Variants in ROBO1 observed in about 807,000 individuals in gnomAD.
ROBO1 encodes roundabout guidance receptor 1, also known as roundabout homolog 1.
In ROBO1, 149 loss-of-function variants were observed where a neutral mutation model predicts 195.9. The observed-to-expected ratio is 0.76, with a 90% CI of 0.67 to 0.87. The LOEUF (loss-of-function observed/expected upper bound fraction) is 0.87, where lower values mean the gene tolerates loss of function less well. Ranked by LOEUF, ROBO1 falls within the 40% of genes least tolerant of loss-of-function variation. ROBO1 has a pLI of 0.00. For missense variants in ROBO1, 1,933 were observed against 2,068.3 expected (o/e 0.93, Z 1.27); for synonymous variants, 816 against 733.2 (o/e 1.11, Z -1.82).
chr3:79,145,738 ACT>A (rs2080635322), intron 2 of ROBO1, among the ~76,000 whole-genome samples: 1 of 151,888 alleles, frequency 6.6e-6, no homozygotes, highest in East Asian at 1.9e-4. Flanking sequence ...TATTCAATAA[ACT>A]CTGACAGCTT....
At chr3:78,764,463 T>A (rs2083179884) in intron 4 of ROBO1, among the ~76,000 whole-genome samples, 1 of 152,156 alleles carries the variant, frequency 6.6e-6, no homozygotes, top group Non-Finnish European at 1.5e-5. Context: ...TGAGATTGAA[T>A]TGAGACTATT....
chr3:79,256,169 C>T (rs1220140584), intron 2 of ROBO1, among the ~76,000 whole-genome samples: 2 of 152,140 alleles, frequency 1.3e-5, no homozygotes, highest in Admixed American at 6.6e-5. Context: ...TTCTTCCATC[C>T]ACCCACTTAA....
chr3:79,169,569 A>G (rs972116626), intron 2 of ROBO1, among the ~76,000 whole-genome samples: 1 of 152,184 alleles, frequency 6.6e-6, no homozygotes, highest in Non-Finnish European at 1.5e-5. Context: ...ATATAGTAAT[A>G]TTCCATGACT....
chr3:79,459,543 A>T (rs1055200030), intron 2 of ROBO1, among the ~76,000 whole-genome samples: 4 of 151,780 alleles, frequency 2.6e-5, no homozygotes, highest in Middle Eastern at 3.4e-3. Context: ...TTCCCCAATG[A>T]CTTATTAATT....
chr3:79,726,489 C>A (rs182286848), intron 1 of ROBO1, among the ~76,000 whole-genome samples: 34 of 152,190 alleles, frequency 2.2e-4, no homozygotes, highest in African/African-American at 7.2e-4. Flanking sequence ...GAAAAATAAT[C>A]ATGGGGCAGC....
intron 3 of ROBO1, among the ~76,000 whole-genome samples, chr3:79,084,393 G>C (rs1364495958): frequency 1.3e-5 from 2 of 152,156 alleles, no homozygotes; most frequent in Non-Finnish European, 2.9e-5. Flanking sequence ...CGCTACTCAG[G>C]AGGCTGAGGC....
chr3:79,639,562 T>C (rs200569450), intron 1 of ROBO1, among the ~76,000 whole-genome samples: 1 of 152,178 alleles, frequency 6.6e-6, no homozygotes, highest in East Asian at 1.9e-4. Flanking sequence ...ATGTCTAGCA[T>C]TTACCTAGGT....
chr3:79,693,925 T>C (rs1011417191), intron 1 of ROBO1, among the ~76,000 whole-genome samples: 5 of 151,878 alleles, frequency 3.3e-5, no homozygotes, highest in East Asian at 1.9e-4. Context: ...ATAAATTATA[T>C]TATATTTTTT....
intron 7 of ROBO1, among the ~76,000 whole-genome samples, chr3:78,715,670 T>G (rs2108061108): frequency 6.6e-6 from 1 of 152,210 alleles, no homozygotes; most frequent in Non-Finnish European, 1.5e-5. Context: ...CAGCTGGGAT[T>G]ATAGGATTAT....
At chr3:78,839,558 TATTC>T (rs1242212409) in intron 4 of ROBO1, among the ~76,000 whole-genome samples, 2 of 152,016 alleles carry the variant, frequency 1.3e-5, no homozygotes, top group African/African-American at 2.4e-5. Flanking sequence ...CAAATAGTAA[TATTC>T]ATTAAATAAT....
At chr3:79,212,834 A>T (rs2081989499) in intron 2 of ROBO1, among the ~76,000 whole-genome samples, 1 of 148,226 alleles carries the variant, frequency 6.7e-6, no homozygotes, top group Non-Finnish European at 1.5e-5. Flanking sequence ...AAAATAAAAT[A>T]AAATAAATAA....
chr3:79,193,368 G>A (rs2081574934), intron 2 of ROBO1, among the ~76,000 whole-genome samples: 1 of 151,342 alleles, frequency 6.6e-6, no homozygotes, highest in Non-Finnish European at 1.5e-5. Context: ...CTTATTTAAT[G>A]GTCAAAATGA....
chr3:79,096,746 G>T (rs2079576560), intron 3 of ROBO1, among the ~76,000 whole-genome samples: 1 of 150,710 alleles, frequency 6.6e-6, no homozygotes, highest in African/African-American at 2.4e-5. Flanking sequence ...ATGTGTGTGT[G>T]TGTATGTATA....
At chr3:79,710,587 T>C (rs1283560665) in intron 1 of ROBO1, among the ~76,000 whole-genome samples, 1 of 152,148 alleles carries the variant, frequency 6.6e-6, no homozygotes, top group African/African-American at 2.4e-5. Context: ...ATGAAGGTTA[T>C]GACCCTGAAG....
chr3:78,923,236 G>T (rs1045214685), intron 4 of ROBO1, among the ~76,000 whole-genome samples: 3 of 152,082 alleles, frequency 2.0e-5, no homozygotes, highest in Admixed American at 2.0e-4. Context: ...GACTTTTTCT[G>T]TGCCAGGTAC....
intron 3 of ROBO1, among the ~76,000 whole-genome samples, chr3:79,024,886 A>G (rs1234966516): frequency 6.6e-6 from 1 of 152,122 alleles, no homozygotes; most frequent in African/African-American, 2.4e-5. Flanking sequence ...TGTTTAAGTC[A>G]CTGCACTTCT....
At chr3:79,448,529 C>T (rs899047757) in intron 2 of ROBO1, among the ~76,000 whole-genome samples, 1 of 151,908 alleles carries the variant, frequency 6.6e-6, no homozygotes, top group Non-Finnish European at 1.5e-5. Flanking sequence ...GCTATTTGTC[C>T]TCCATTATAC....
At chr3:78,877,482 C>T (rs2035924356) in intron 4 of ROBO1, among the ~76,000 whole-genome samples, 1 of 151,706 alleles carries the variant, frequency 6.6e-6, no homozygotes, top group Admixed American at 6.6e-5. Context: ...AGTACATTGG[C>T]TTAGGCTGAA....
intron 2 of ROBO1, among the ~76,000 whole-genome samples, chr3:79,346,333 A>G (rs922773471): frequency 6.6e-6 from 1 of 152,028 alleles, no homozygotes; most frequent in Non-Finnish European, 1.5e-5. Context: ...TCTAAATGCT[A>G]TTTTCTGATA....
Sources: gnomAD v4.1 joint callset for allele counts (sites outside exome capture counted in the v4.1 genomes callset) on GRCh38, gnomAD v4.1.1 for gene constraint, MANE v1.5 for transcripts, NCBI Gene and HGNC (gene_info 2026-07-23, HGNC 2026-07-21) for gene names.